Variants in TASP1 observed in about 807,000 individuals in gnomAD.
TASP1 encodes the protein threonine aspartase 1.
TASP1 carries 16 observed loss-of-function variants against 56.6 expected under a neutral mutation model. That is an observed-to-expected ratio of 0.28 (90% CI 0.19 to 0.43). The LOEUF (loss-of-function observed/expected upper bound fraction) is 0.43, where lower values mean the gene tolerates loss of function less well. Among genes scored for constraint, TASP1 ranks in the 20% least tolerant of loss-of-function variants. TASP1 has a pLI of 1.00. For missense variants in TASP1, 393 were observed against 511.6 expected (o/e 0.77, Z 2.24); for synonymous variants, 179 against 184.2 (o/e 0.97, Z 0.23).
the TASP1 span, among the ~76,000 whole-genome samples, chr20:13,332,930 T>C: frequency 2.6e-5 from 4 of 152,374 alleles, no homozygotes; most frequent in South Asian, 4.1e-4. Flanking sequence ...CCTGAACTCC[T>C]GTGCATCGCC....
chr20:13,393,034 A>G (rs2041352550), intron 13 of TASP1: 1 of 588,218 alleles, frequency 1.7e-6, no homozygotes, highest in African/African-American at 1.9e-5. Flanking sequence ...AAGGGTCATC[A>G]TCTCTGCTGC....
the TASP1 span, chr20:13,166,095 G>A: frequency 6.6e-6 from 1 of 152,646 alleles, no homozygotes; most frequent in Non-Finnish European, 1.5e-5. Context: ...AGGGTGCCCA[G>A]ATTTGGAAAT....
the TASP1 span, among the ~76,000 whole-genome samples, chr20:13,374,853 G>A: frequency 1.3e-5 from 2 of 152,134 alleles, no homozygotes; most frequent in East Asian, 3.8e-4. Flanking sequence ...ATGCAGCCTT[G>A]GGCATGCACC....
intron 5 of TASP1, among the ~76,000 whole-genome samples, chr20:13,585,960 C>A (rs1395666715): frequency 6.6e-6 from 1 of 151,934 alleles, no homozygotes; most frequent in Non-Finnish European, 1.5e-5. Context: ...CATGGTGAAA[C>A]CCTGTTTCTA....
the TASP1 span, among the ~76,000 whole-genome samples, chr20:13,122,393 C>T: frequency 1.3e-5 from 2 of 152,166 alleles, no homozygotes; most frequent in Admixed American, 6.5e-5. Context: ...GGGAAAGTAC[C>T]GCAGGGTAAG....
the TASP1 span, among the ~76,000 whole-genome samples, chr20:13,259,009 G>A: frequency 6.6e-6 from 1 of 152,146 alleles, no homozygotes; most frequent in Non-Finnish European, 1.5e-5. Context: ...TGGGCCGGGC[G>A]CAATGGCTCA....
intron 4 of TASP1, among the ~76,000 whole-genome samples, chr20:13,615,614 C>CA (rs1414765183): frequency 1.1e-4 from 17 of 150,884 alleles, no homozygotes; most frequent in African/African-American, 4.1e-4. Flanking sequence ...ATGCCATTCT[C>CA]ATGCCTCAGC....
chr20:13,370,656 C>T, the TASP1 span, among the ~76,000 whole-genome samples: 5 of 152,034 alleles, frequency 3.3e-5, no homozygotes, highest in Non-Finnish European at 5.9e-5. Context: ...CAGAATGTGA[C>T]TTTATTTGAA....
At chr20:13,155,921 A>G in the TASP1 span, among the ~76,000 whole-genome samples, 1 of 152,192 alleles carries the variant, frequency 6.6e-6, no homozygotes, top group African/African-American at 2.4e-5. Context: ...ACATTGCATG[A>G]AGTATCTGAG....
the TASP1 span, among the ~76,000 whole-genome samples, chr20:13,327,799 A>G: frequency 6.6e-6 from 1 of 152,240 alleles, no homozygotes; most frequent in Non-Finnish European, 1.5e-5. Flanking sequence ...ATATACAAAA[A>G]TTAACTCAAA....
At chr20:13,203,639 A>T in the TASP1 span, among the ~76,000 whole-genome samples, 3 of 152,352 alleles carry the variant, frequency 2.0e-5, no homozygotes, top group East Asian at 5.8e-4. Context: ...TAACATGGTC[A>T]ATAGCTGCAT....
At chr20:13,369,427 C>A in the TASP1 span, among the ~76,000 whole-genome samples, 1 of 152,188 alleles carries the variant, frequency 6.6e-6, no homozygotes, top group Admixed American at 6.5e-5. Context: ...GCCCATACAA[C>A]AGAGCAAGAC....
the TASP1 span, among the ~76,000 whole-genome samples, chr20:13,130,479 T>C: frequency 6.6e-6 from 1 of 152,230 alleles, no homozygotes; most frequent in Non-Finnish European, 1.5e-5. Flanking sequence ...AGCCATACGC[T>C]TCAAAGAAAG....
At chr20:13,168,278 G>C in the TASP1 span, 11 of 151,564 alleles carry the variant, frequency 7.3e-5, no homozygotes, top group African/African-American at 2.7e-4. Flanking sequence ...CCACCTCCCG[G>C]GTTCAAGCGA....
At chr20:13,590,857 C>T (rs1434677571) in intron 4 of TASP1, among the ~76,000 whole-genome samples, 2 of 151,690 alleles carry the variant, frequency 1.3e-5, no homozygotes, top group Non-Finnish European at 2.9e-5. Context: ...CAGAGCAACA[C>T]ACTGTCTCAA....
At chr20:13,331,897 G>A in the TASP1 span, among the ~76,000 whole-genome samples, 1 of 152,056 alleles carries the variant, frequency 6.6e-6, no homozygotes, top group Non-Finnish European at 1.5e-5. Context: ...ATAAATGACA[G>A]GTCTCTGGTT....
intron 4 of TASP1, among the ~76,000 whole-genome samples, chr20:13,615,213 C>T (rs1398470966): frequency 6.6e-6 from 1 of 152,112 alleles, no homozygotes; most frequent in East Asian, 1.9e-4. Flanking sequence ...AAATTCCCCA[C>T]TCTGAATGTG....
At chr20:13,460,935 A>G (rs1166059562) in intron 11 of TASP1, among the ~76,000 whole-genome samples, 1 of 152,090 alleles carries the variant, frequency 6.6e-6, no homozygotes. Context: ...AATTCAGGCC[A>G]ATTTATCTTC....
chr20:13,633,571 A>T (rs2049178380), intron 1 of TASP1, among the ~76,000 whole-genome samples: 1 of 152,192 alleles, frequency 6.6e-6, no homozygotes, highest in Non-Finnish European at 1.5e-5. Flanking sequence ...GGGGAAGGAA[A>T]TCATAGTATT....
Sources: gnomAD v4.1 joint callset for allele counts (sites outside exome capture counted in the v4.1 genomes callset) on GRCh38, gnomAD v4.1.1 for gene constraint, MANE v1.5 for transcripts, NCBI Gene and HGNC (gene_info 2026-07-23, HGNC 2026-07-21) for gene names.